Variants in SNRNP200 observed in about 807,000 individuals in gnomAD.
The protein encoded by SNRNP200 is small nuclear ribonucleoprotein U5 subunit 200.
In SNRNP200, 66 loss-of-function variants were observed where a neutral mutation model predicts 255.2. The observed-to-expected ratio is 0.26, with a 90% CI of 0.21 to 0.32. SNRNP200 has a LOEUF of 0.32. Ranked by LOEUF, SNRNP200 falls within the 10% of genes least tolerant of loss-of-function variation. The pLI, the probability that SNRNP200 is intolerant of heterozygous loss-of-function variation, is 1.00. For missense variants in SNRNP200, 1,585 were observed against 2,749.8 expected (o/e 0.58, Z 9.47); for synonymous variants, 939 against 1,027.8 (o/e 0.91, Z 1.65).
rs775355193 is a variant in SNRNP200, at chr2:96,283,518, C to T, written c.4763+17G>A. The T allele has an allele frequency of 3.6e-5, 58 of 1,613,964 alleles. No individual in the cohort carries two copies. The highest frequency in any genetic ancestry group is 4.5e-5 in the East Asian group (2 of 44,900). On this transcript the variant is annotated intron_variant, in intron 33 of 44. Transcript: ENST00000323853. This position sits in a 1 kb window ranked among gnomAD's most constrained non-coding sequence, Gnocchi z 4.7. Reference sequence around the variant, plus strand: ...ACTTAACCTAACCCCAACCCCCAGACGCCAGGCCCCACCTACCTCTGCCGT... The same window carrying T: ...ACTTAACCTAACCCCAACCCCCAGATGCCAGGCCCCACCTACCTCTGCCGT...
chr2:96,297,722 T>A lies in SNRNP200; in HGVS notation c.1120-2A>T. On this transcript the variant is annotated splice_acceptor_variant, in intron 9 of 44. Transcript: ENST00000323853. LOFTEE classifies it high-confidence loss of function. ...TCGCTCTCTCCGGGACCTTTCCTCC[T>A]GTAGTGGACAAAGATAAAAATCACA... is the stretch of plus-strand genomic sequence containing the variant. 1 of 1,614,200 alleles carries A rather than the reference T, an allele frequency of 6.2e-7. No individual in the cohort carries two copies.
intron 21 of SNRNP200, 76 bp downstream of exon 21, chr2:96,289,723 G>A (rs371727229): frequency 1.5e-6 from 2 of 1,323,644 alleles, no homozygotes; most frequent in South Asian, 1.2e-5. Flanking sequence ...CACATCAAGA[G>A]AGCAATCTGA....
chr2:96,278,100 G>T lies in SNRNP200; in HGVS notation c.5610+137C>A. On this transcript the variant is annotated intron_variant, in intron 39 of 44. Coordinates refer to ENST00000323853, the MANE Select transcript of SNRNP200 (RefSeq NM_014014.5). The surrounding 1 kb of genome is among the most constrained non-coding windows in gnomAD (Gnocchi z 6.9). ...ATGGGATGGAGATGGGTTTGAGGGA[G>T]GTATGGAGCGGGAGGACATATGGCG... 6.6e-7 allele frequency: 1 copy of T among 1,521,406 alleles called. No individual in the cohort carries two copies. Among genetic ancestry groups the T allele is most frequent in the Non-Finnish European group, 9.1e-7 (1 of 1,099,132 alleles). The allele number at this position is 1,521,406 out of a possible 1,614,324, so 94.2% of individuals were successfully genotyped here.
intron 11 of SNRNP200, 117 bp downstream of exon 11, chr2:96,297,246 T>C: frequency 6.6e-7 from 1 of 1,518,902 alleles, no homozygotes; most frequent in South Asian, 1.1e-5. Context: ...AAAATTCTGT[T>C]GCAGCTTTCA....
At position 96,287,414 on chromosome 2, in the gene SNRNP200, A is replaced by G; in HGVS notation, c.3484+25T>C. The G allele has an allele frequency of 6.5e-7, 1 of 1,528,984 alleles. No homozygotes were observed. 94.7% of individuals were successfully genotyped at this position (1,528,984 alleles called of 1,614,324 possible). ...TGGGAGAGACACCCAGGCAGTGAGGACAAGGGCGAGAGCATCCCACACACC... is the reference window on the plus strand; with the variant it reads ...TGGGAGAGACACCCAGGCAGTGAGGGCAAGGGCGAGAGCATCCCACACACC... On this transcript the variant is annotated intron_variant, in intron 26 of 44. Coordinates refer to ENST00000323853, the MANE Select transcript of SNRNP200 (RefSeq NM_014014.5). This position sits in a 1 kb window ranked among gnomAD's most constrained non-coding sequence, Gnocchi z 5.7.
At chr2:96,282,907 G>A (rs1013866436) in intron 34 of SNRNP200, 14 of 498,518 alleles carry the variant, frequency 2.8e-5, no homozygotes, top group Admixed American at 6.5e-5. Context: ...TGGTATCCAC[G>A]GAGAATCAGC....
intron 3 of SNRNP200, 88 bp from the exon 4 acceptor site, chr2:96,301,804 A>AGGTGTG: frequency 1.4e-6 from 2 of 1,410,606 alleles, no homozygotes; most frequent in Non-Finnish European, 2.0e-6. Flanking sequence ...GGATGTGAAG[A>AGGTGTG]GCCACACCTC....
chr2:96,285,519 C>A, intron 29 of SNRNP200, 179 bp from the exon 30 acceptor site: 1 of 669,172 alleles, frequency 1.5e-6, no homozygotes. Context: ...TACTGTACCC[C>A]CTTACCTGCT....
Position 96,283,446 on chromosome 2 carries a change from C to T in SNRNP200, c.4763+89G>A. 6 of 1,612,700 alleles carry T rather than the reference C, an allele frequency of 3.7e-6. No homozygotes were observed. The highest frequency in any genetic ancestry group is 5.1e-6 in the Non-Finnish European group (6 of 1,179,156). On this transcript the variant is annotated intron_variant, in intron 33 of 44. Coordinates refer to ENST00000323853, the MANE Select transcript of SNRNP200 (RefSeq NM_014014.5). The surrounding 1 kb of genome is among the most constrained non-coding windows in gnomAD (Gnocchi z 4.7). ...AGAACCTGGCCCCAAGCAACATGGG[C>T]TAACCCCACCCTCATAAAGAGGACA...
rs1427608348 is a variant in SNRNP200, at chr2:96,291,158, T to A, written c.2421+234A>T. Among the ~76,000 whole-genome samples, 2 of 152,062 alleles carry A rather than the reference T, an allele frequency of 1.3e-5. No homozygotes were observed. Among genetic ancestry groups the A allele is most frequent in the Non-Finnish European group, 2.9e-5 (2 of 68,010 alleles). ...AGACACTGTTTGGAGCTATCTGAAG[T>A]CACCAAAGTGCTTGCTTCACTATGC... On this transcript the variant is annotated intron_variant, in intron 18 of 44. Coordinates refer to ENST00000323853, the MANE Select transcript of SNRNP200 (RefSeq NM_014014.5). This position sits in a 1 kb window ranked among gnomAD's most constrained non-coding sequence, Gnocchi z 4.2.
Position 96,277,572 on chromosome 2 carries a change from G to A in SNRNP200, c.5898C>T (p.Phe1966=), listed in dbSNP as rs916807722. Reference sequence around the variant, plus strand: ...TGCAACGTTTGATATGCTCAGAGGTGAAGTGTGGCAGCTGCTTCAGGTATG... The same window carrying A: ...TGCAACGTTTGATATGCTCAGAGGTAAAGTGTGGCAGCTGCTTCAGGTATG... The part of the protein sequence containing the change: ...KDSYLKQLPH[F]TSEHIKRCTD... Residue 1966 remains phenylalanine, a synonymous_variant, in exon 41 of 45, where the codon TTC becomes TTT. Transcript: ENST00000323853. The surrounding 1 kb of genome is among the most constrained non-coding windows in gnomAD (Gnocchi z 4.4). 1 of 1,613,272 alleles carries A rather than the reference G, an allele frequency of 6.2e-7. No homozygotes were observed.
chr2:96,282,032 C>T (rs1684769662), intron 34 of SNRNP200, 110 bp from the exon 35 acceptor site: 1 of 789,614 alleles, frequency 1.3e-6, no homozygotes. Context: ...TCAGAACTCA[C>T]AGCAAGGCTG....
At chr2:96,279,584 G>T in intron 35 of SNRNP200, 25 bp from the exon 36 acceptor site, 1 of 1,511,574 alleles carries the variant, frequency 6.6e-7, no homozygotes, top group Non-Finnish European at 9.2e-7. Flanking sequence ...AGGGAAAGAA[G>T]GAAAAGCCAC....
chr2:96,295,007 G>A (rs1475389378), intron 14 of SNRNP200, among the ~76,000 whole-genome samples: 3 of 151,950 alleles, frequency 2.0e-5, no homozygotes, highest in African/African-American at 7.3e-5. Flanking sequence ...TCAGGAGTTC[G>A]AGACCAGCCT....
chr2:96,297,156 T>C, intron 11 of SNRNP200, 86 bp from the exon 12 acceptor site: 3 of 1,595,790 alleles, frequency 1.9e-6, no homozygotes, highest in East Asian at 2.2e-5. Context: ...TTTTGTTCCC[T>C]GGCAATCTCT....
chr2:96,278,744 A>G lies in SNRNP200; in HGVS notation c.5324-33T>C. ...GGCGAGAGGTGAGTGGGGAGCCTCA[A>G]GAAGATGCCCAGCAAAGACTGTGAG... On this transcript the variant is annotated intron_variant, in intron 37 of 44. Coordinates refer to ENST00000323853, the MANE Select transcript of SNRNP200 (RefSeq NM_014014.5). The surrounding 1 kb of genome is among the most constrained non-coding windows in gnomAD (Gnocchi z 6.9). 1 of 1,614,222 alleles carries G rather than the reference A, an allele frequency of 6.2e-7. No individual in the cohort carries two copies. The highest frequency in any genetic ancestry group is 8.5e-7 in the Non-Finnish European group (1 of 1,180,030).
intron 5 of SNRNP200, among the ~76,000 whole-genome samples, chr2:96,299,943 A>T (rs1054941261): frequency 2.0e-5 from 3 of 152,224 alleles, no homozygotes; most frequent in Admixed American, 1.3e-4. Context: ...ACTTAAAATC[A>T]TCAAATCCTA....
At position 96,278,102 on chromosome 2, in the gene SNRNP200, T is replaced by C. The variant is rs1008313483; in HGVS notation, c.5610+135A>G. ...GGGATGGAGATGGGTTTGAGGGAGGTATGGAGCGGGAGGACATATGGCGGG... is the reference window on the plus strand; with the variant it reads ...GGGATGGAGATGGGTTTGAGGGAGGCATGGAGCGGGAGGACATATGGCGGG... On this transcript the variant is annotated intron_variant, in intron 39 of 44. Transcript: ENST00000323853. The surrounding 1 kb of genome is among the most constrained non-coding windows in gnomAD (Gnocchi z 6.9). 38 of 1,513,366 alleles carry C rather than the reference T, an allele frequency of 2.5e-5. No homozygotes were observed. The Middle Eastern group carries it at 5.1e-4, about 20-fold the overall frequency. The allele number at this position is 1,513,366 out of a possible 1,614,324, so 93.7% of individuals were successfully genotyped here.
At chr2:96,275,199 A>C (rs368800201) in intron 44 of SNRNP200, 44 bp from the exon 45 acceptor site, 174 of 1,614,062 alleles carry the variant, frequency 1.1e-4, no homozygotes, top group Non-Finnish European at 1.3e-4. Flanking sequence ...GGACACAGGA[A>C]GCATTCTCAC....
Sources: gnomAD v4.1 joint callset for allele counts (sites outside exome capture counted in the v4.1 genomes callset) on GRCh38, gnomAD v4.1.1 for gene constraint, Gnocchi (gnomAD v3.1) non-coding constraint, MANE v1.5 for transcripts, NCBI Gene and HGNC (gene_info 2026-07-23, HGNC 2026-07-21) for gene names.